Variants in FAM228B observed in about 807,000 individuals in gnomAD.
FAM228B encodes family with sequence similarity 228 member B.
In FAM228B, 38 loss-of-function variants were observed where a neutral mutation model predicts 42.6. That is an observed-to-expected ratio of 0.89 (90% CI 0.69 to 1.17). FAM228B has a LOEUF of 1.17. Ranked by LOEUF, FAM228B falls within the 50% of genes most tolerant of loss-of-function variation. The pLI is 0.00. For synonymous variants in FAM228B, 109 were observed against 122.3 expected (o/e 0.89, Z 0.72); for missense variants, 344 against 367.3 (o/e 0.94, Z 0.52).
At chr2:24,165,720 A>G (rs1391109630) in intron 9 of FAM228B, among the ~76,000 whole-genome samples, 2 of 152,190 alleles carry the variant, frequency 1.3e-5, no homozygotes, top group African/African-American at 4.8e-5. Context: ...AAAAAGCCCC[A>G]ACATTTAAAA....
At chr2:24,114,245 T>C (rs1665848231) in intron 3 of FAM228B, among the ~76,000 whole-genome samples, 1 of 152,196 alleles carries the variant, frequency 6.6e-6, no homozygotes. Flanking sequence ...AAGGAGATGC[T>C]GAATCTGGGG....
chr2:24,080,652 G>C lies in FAM228B; in HGVS notation c.-289-224G>C. The C allele has an allele frequency of 1.4e-6, 1 of 725,496 alleles. No individual in the cohort carries two copies. The highest frequency in any genetic ancestry group is 2.4e-6 in the Non-Finnish European group (1 of 413,798). 44.9% of individuals were successfully genotyped at this position (725,496 alleles called of 1,614,324 possible). On this transcript the variant is annotated intron_variant, in intron 1 of 10. Transcript: ENST00000613899. This position sits in a 1 kb window ranked among gnomAD's most constrained non-coding sequence, Gnocchi z 4.7. ...AACCATCTTAGATTTAAATATGACTGCCTGTCTCCAGTGGTCAAATACCAT... is the reference window on the plus strand; with the variant it reads ...AACCATCTTAGATTTAAATATGACTCCCTGTCTCCAGTGGTCAAATACCAT...
intron 7 of FAM228B, among the ~76,000 whole-genome samples, chr2:24,157,243 T>C (rs951289654): frequency 1.3e-5 from 2 of 152,202 alleles, no homozygotes; most frequent in African/African-American, 2.4e-5. Flanking sequence ...TTGTGGCCTA[T>C]TATATGGTCT....
chr2:24,135,591 A>G (rs1390579091), intron 3 of FAM228B, among the ~76,000 whole-genome samples: 5 of 152,218 alleles, frequency 3.3e-5, no homozygotes, highest in Non-Finnish European at 4.4e-5. Context: ...TGTGAAGTGT[A>G]CTAAACACCA....
chr2:24,168,755 G>T (rs761113268), intron 10 of FAM228B, among the ~76,000 whole-genome samples: 1 of 152,076 alleles, frequency 6.6e-6, no homozygotes, highest in East Asian at 1.9e-4. Context: ...GAGAGAGGGG[G>T]TATAATAGAA....
At chr2:24,090,934 G>C (rs1003945823) in intron 2 of FAM228B, among the ~76,000 whole-genome samples, 4 of 152,134 alleles carry the variant, frequency 2.6e-5, no homozygotes, top group African/African-American at 4.8e-5. Flanking sequence ...CTACAGGCTT[G>C]AGCCACCACA....
intron 2 of FAM228B, among the ~76,000 whole-genome samples, chr2:24,126,934 C>G (rs998956541): frequency 6.6e-6 from 1 of 152,196 alleles, no homozygotes; most frequent in Non-Finnish European, 1.5e-5. Context: ...CCAAGATTCA[C>G]TACTCTAAAG....
intron 2 of FAM228B, among the ~76,000 whole-genome samples, chr2:24,128,780 A>G (rs931620695): frequency 6.6e-6 from 1 of 152,112 alleles, no homozygotes; most frequent in African/African-American, 2.4e-5. Context: ...AGTTACTTGG[A>G]CACAGCAGGA....
At chr2:24,145,957 G>A (rs899616853) in intron 5 of FAM228B, among the ~76,000 whole-genome samples, 11 of 152,126 alleles carry the variant, frequency 7.2e-5, no homozygotes, top group Admixed American at 1.3e-4. Flanking sequence ...CCAAAGTGCT[G>A]GGATTACAGG....
intron 2 of FAM228B, among the ~76,000 whole-genome samples, chr2:24,090,011 C>T (rs921672501): frequency 6.7e-6 from 1 of 148,314 alleles, no homozygotes; most frequent in Non-Finnish European, 1.5e-5. Flanking sequence ...CAGTGACTCA[C>T]GCCTGTAATC....
intron 1 of FAM228B, among the ~76,000 whole-genome samples, chr2:24,079,854 C>A (rs1664922710): frequency 6.6e-6 from 1 of 152,174 alleles, no homozygotes; most frequent in African/African-American, 2.4e-5. Flanking sequence ...GGCCTAGCTA[C>A]AGCAAGAGGG....
intron 3 of FAM228B, among the ~76,000 whole-genome samples, chr2:24,100,422 GA>G (rs1238396090): frequency 4.0e-5 from 6 of 151,582 alleles, no homozygotes. Context: ...AAATTTACAA[GA>G]AAAAAAATCC....
At chr2:24,102,816 CA>C (rs1665631667) in intron 3 of FAM228B, among the ~76,000 whole-genome samples, 1 of 152,186 alleles carries the variant, frequency 6.6e-6, no homozygotes, top group Non-Finnish European at 1.5e-5. Context: ...TTATGGAAAA[CA>C]TCTGTGACAT....
chr2:24,118,855 C>G (rs1249832980), upstream of FAM228B, among the ~76,000 whole-genome samples: 5 of 152,142 alleles, frequency 3.3e-5, no homozygotes, highest in Admixed American at 3.3e-4. Flanking sequence ...GAATGAGTGG[C>G]TGCTTTTGTT....
intron 2 of FAM228B, among the ~76,000 whole-genome samples, chr2:24,131,368 G>A (rs896843893): frequency 2.6e-5 from 4 of 152,204 alleles, no homozygotes; most frequent in Admixed American, 2.0e-4. Context: ...TATGAAGAAT[G>A]TCAATGGTAG....
intron 2 of FAM228B, chr2:24,081,039 A>G: frequency 1.9e-6 from 3 of 1,610,856 alleles, no homozygotes; most frequent in Non-Finnish European, 2.5e-6. Flanking sequence ...TTCCTGTGAC[A>G]GAAAGTACAG....
intron 1 of FAM228B, chr2:24,078,880 CT>C (rs35298792): frequency 0.28 from 42,463 of 149,634 alleles, 6,386 homozygotes; most frequent in South Asian, 0.39. Context: ...AGCATATAAT[CT>C]TTTTTTTTTT....
chr2:24,116,855 T>G (rs750145821), intron 3 of FAM228B, among the ~76,000 whole-genome samples: 1 of 149,524 alleles, frequency 6.7e-6, no homozygotes, highest in Non-Finnish European at 1.5e-5. Context: ...TTAGCCTGGC[T>G]GATAGAATGA....
chr2:24,101,279 C>T (rs1665599256), intron 3 of FAM228B, among the ~76,000 whole-genome samples: 1 of 151,984 alleles, frequency 6.6e-6, no homozygotes, highest in Admixed American at 6.5e-5. Flanking sequence ...AAAAGTTTTA[C>T]AACCTTATTT....
Sources: allele counts gnomAD v4.1 joint callset (sites outside exome capture counted in the v4.1 genomes callset), GRCh38; gene constraint gnomAD v4.1.1; non-coding constraint Gnocchi (gnomAD v3.1); transcripts MANE v1.5; gene names NCBI Gene and HGNC (gene_info 2026-07-23, HGNC 2026-07-21).